Variants in LY86 observed in about 807,000 individuals in gnomAD.
LY86 encodes the protein MD-1, RP105-associated.
A neutral mutation model predicts 17.3 loss-of-function variants in LY86; 20 were observed. The observed-to-expected ratio is 1.15, with a 90% confidence interval of 0.81 to 1.68. The LOEUF (loss-of-function observed/expected upper bound fraction) is 1.68, where lower values mean the gene tolerates loss of function less well. Among genes scored for constraint, LY86 ranks in the 40% most tolerant of loss-of-function variants. LY86 has a pLI of 0.00. For missense variants in LY86, 200 were observed against 191.9 expected (o/e 1.04, Z -0.25); for synonymous variants, 74 against 70.6 (o/e 1.05, Z -0.24).
intron 3 of LY86, among the ~76,000 whole-genome samples, chr6:6,628,014 C>T (rs567256050): frequency 6.6e-6 from 1 of 151,626 alleles, no homozygotes; most frequent in East Asian, 1.9e-4. Context: ...GCCCAGTGAT[C>T]TGACTTTGTT....
chr6:6,640,666 T>C (rs1181505026), intron 3 of LY86, among the ~76,000 whole-genome samples: 3 of 151,124 alleles, frequency 2.0e-5, no homozygotes, highest in Non-Finnish European at 4.4e-5. Flanking sequence ...TGAGCTATGA[T>C]CACACCATTG....
At chr6:6,652,110 G>T (rs942641488) in intron 4 of LY86, among the ~76,000 whole-genome samples, 1 of 136,992 alleles carries the variant, frequency 7.3e-6, no homozygotes, top group East Asian at 2.1e-4. Flanking sequence ...TAAGTAAAAA[G>T]CTTTATTTTA....
rs555466636 is a variant in LY86, at chr6:6,599,527, GCTGA to G, written c.136+10665_136+10668del. Among the ~76,000 whole-genome samples the G allele has an allele frequency of 8.5e-3, 1,297 of 152,308 alleles. 13 individuals carry two copies. The highest frequency in any genetic ancestry group is 0.026 in the South Asian group (126 of 4,826). On this transcript the variant is annotated intron_variant, in intron 1 of 4. Transcript: ENST00000230568. The stretch of plus-strand genomic sequence containing the variant: ...GAATGTCAGCTTGATGTCCTGTGAG[GCTGA>G]CTGACTGGTTTTTGACAGTGTCTGC...
intron 3 of LY86, among the ~76,000 whole-genome samples, chr6:6,635,390 A>T (rs1761945913): frequency 6.6e-6 from 1 of 152,226 alleles, no homozygotes; most frequent in Non-Finnish European, 1.5e-5. Context: ...TGTAATAAAA[A>T]TATGTGAGTA....
At chr6:6,620,202 G>A (rs1235792692) in intron 1 of LY86, among the ~76,000 whole-genome samples, 2 of 152,200 alleles carry the variant, frequency 1.3e-5, no homozygotes, top group Non-Finnish European at 2.9e-5. Context: ...TTTGTGGATT[G>A]TATCAGTGTC....
At chr6:6,647,677 A>G (rs890019000) in intron 3 of LY86, among the ~76,000 whole-genome samples, 1 of 150,844 alleles carries the variant, frequency 6.6e-6, no homozygotes, top group Non-Finnish European at 1.5e-5. Flanking sequence ...ACTACCATCC[A>G]CTCCACTGAC....
chr6:6,602,105 G>T (rs1284740197), intron 1 of LY86, among the ~76,000 whole-genome samples: 5 of 152,150 alleles, frequency 3.3e-5, no homozygotes, highest in South Asian at 2.1e-4. Flanking sequence ...GCACTTCCAG[G>T]AAACATCCTT....
chr6:6,618,761 A>C (rs879674876), intron 1 of LY86, among the ~76,000 whole-genome samples: 8 of 152,222 alleles, frequency 5.3e-5, no homozygotes, highest in Admixed American at 1.3e-4. Flanking sequence ...AAGAGAGTCA[A>C]ATGGGAGTGG....
intron 4 of LY86, among the ~76,000 whole-genome samples, chr6:6,653,798 C>T (rs575352414): frequency 1.3e-5 from 2 of 152,320 alleles, no homozygotes; most frequent in South Asian, 2.1e-4. Context: ...CACCCACTTG[C>T]GTTTCCTCAG....
intron 1 of LY86, among the ~76,000 whole-genome samples, chr6:6,603,632 A>AC (rs1760995872): frequency 7.4e-6 from 1 of 135,810 alleles, no homozygotes; most frequent in Non-Finnish European, 1.6e-5. Context: ...AAAAAAACAA[A>AC]ACACACACAC....
intron 1 of LY86, among the ~76,000 whole-genome samples, chr6:6,605,599 T>C (rs778404354): frequency 6.6e-6 from 1 of 152,268 alleles, no homozygotes; most frequent in East Asian, 1.9e-4. Context: ...CATAGTCTCA[T>C]GACATTGCAG....
intron 1 of LY86, among the ~76,000 whole-genome samples, chr6:6,605,828 T>A (rs140489696): frequency 1.3e-3 from 192 of 150,970 alleles, no homozygotes; most frequent in African/African-American, 4.4e-3. Flanking sequence ...CTGGCTGACT[T>A]TCCCGGTGAA....
rs1417456580 is a variant in LY86 at position 6,654,761 on chromosome 6, C to A, written c.*134C>A. 2.9e-6 allele frequency: 2 copies of A among 687,806 alleles called. No individual in the cohort carries two copies. Among genetic ancestry groups the A allele is most frequent in the Non-Finnish European group, 5.0e-6 (2 of 402,748 alleles). The allele number at this position is 687,806 out of a possible 1,614,324, so 42.6% of individuals were successfully genotyped here. ...TACAAAGAAGCGCCCCCAAAGAGTG[C>A]AGCTGCTAATTTTAGTCCCAGGACC... On this transcript the variant is annotated 3_prime_UTR_variant, in exon 5 of 5. Coordinates refer to ENST00000230568, the MANE Select transcript of LY86 (RefSeq NM_004271.4).
chr6:6,626,321 C>G lies in LY86; in HGVS notation c.252C>G (p.Asp84Glu), dbSNP rs768991746. 1.9e-6 allele frequency: 3 copies of G among 1,613,968 alleles called. No individual in the cohort carries two copies. The highest frequency in any genetic ancestry group is 1.6e-4 in the Middle Eastern group (1 of 6,062). ...LREDIKELFL[D>E]LALMSQGSSV... ...AGGACATCAAAGAGCTTTTTCTTGA[C>G]CTAGCTCTCATGTCTCAAGGCTCAT... The change falls in exon 3 of 5, where the codon GAC becomes GAG. Residue 84 changes from aspartate (D) to glutamate (E), a missense_variant. Physicochemically the swap from Asp to Glu is conservative, Grantham distance 45. Coordinates refer to ENST00000230568, the MANE Select transcript of LY86 (RefSeq NM_004271.4).
chr6:6,595,904 G>T (rs1408544928), intron 1 of LY86, among the ~76,000 whole-genome samples: 1 of 152,168 alleles, frequency 6.6e-6, no homozygotes, highest in Non-Finnish European at 1.5e-5. Flanking sequence ...GCTGTGGGTG[G>T]TCCCTGTGGG....
intron 3 of LY86, among the ~76,000 whole-genome samples, chr6:6,627,567 T>A (rs761404002): frequency 1.3e-5 from 2 of 152,190 alleles, no homozygotes; most frequent in South Asian, 2.1e-4. Flanking sequence ...ATCTTCCACA[T>A]TGGACCACGA....
At chr6:6,599,192 G>A (rs975572492) in intron 1 of LY86, among the ~76,000 whole-genome samples, 3 of 152,188 alleles carry the variant, frequency 2.0e-5, no homozygotes, top group Admixed American at 6.5e-5. Flanking sequence ...CTTGGGACAT[G>A]ACCCAATTTC....
chr6:6,593,511 G>A (rs1017496665), intron 1 of LY86, among the ~76,000 whole-genome samples: 4 of 152,194 alleles, frequency 2.6e-5, no homozygotes, highest in Admixed American at 1.3e-4. Flanking sequence ...TATTACCTAC[G>A]CAAAGGGCTG....
intron 1 of LY86, among the ~76,000 whole-genome samples, chr6:6,610,428 T>TCTGGGCTCCACTGCC (rs1378329646): frequency 1.2e-4 from 18 of 152,014 alleles, no homozygotes; most frequent in African/African-American, 4.1e-4. Context: ...GCCCCCAGAG[T>TCTGGGCTCCACTGCC]CTGGGCTCCA....
Sources: gnomAD v4.1 joint callset for allele counts (sites outside exome capture counted in the v4.1 genomes callset) on GRCh38, gnomAD v4.1.1 for gene constraint, MANE v1.5 for transcripts, NCBI Gene and HGNC (gene_info 2026-07-23, HGNC 2026-07-21) for gene names.